TP63: variants seen among roughly 807,000 people sequenced by gnomAD.
TP63 encodes the protein tumor protein 63.
TP63 carries 17 observed loss-of-function variants against 82.8 expected under a neutral mutation model. That is an observed-to-expected ratio of 0.21 (90% CI 0.14 to 0.31). The LOEUF is 0.31. TP63 is among the 10% of genes least tolerant of loss of function. TP63 has a pLI of 1.00. For synonymous variants in TP63, 330 were observed against 321.7 expected (o/e 1.03, Z -0.28); for missense variants, 648 against 895.3 (o/e 0.72, Z 3.52).
chr3:189,840,359 C>CTTTTTTTT, intron 4 of TP63, among the ~76,000 whole-genome samples: 12 of 44,440 alleles, frequency 2.7e-4, no homozygotes, highest in East Asian at 8.3e-4. Context: ...TGCTTTTCGT[C>CTTTTTTTT]TTTTTTTTTT....
intron 3 of TP63, among the ~76,000 whole-genome samples, chr3:189,788,159 A>C (rs1724767427): frequency 6.6e-6 from 1 of 151,448 alleles, no homozygotes; most frequent in Non-Finnish European, 1.5e-5. Context: ...TCTTCCCAAT[A>C]TATGTGTGAA....
At chr3:189,759,805 T>C (rs377710255) in intron 3 of TP63, among the ~76,000 whole-genome samples, 3 of 152,322 alleles carry the variant, frequency 2.0e-5, no homozygotes, top group African/African-American at 7.2e-5. Flanking sequence ...ATTTTCATGC[T>C]GCTGATAAAG....
chr3:189,819,242 C>T (rs1173762253), intron 4 of TP63, among the ~76,000 whole-genome samples: 2 of 152,146 alleles, frequency 1.3e-5, no homozygotes, highest in African/African-American at 4.8e-5. Context: ...TATTCTCCCA[C>T]CCAGGCTGTG....
the TP63 span, among the ~76,000 whole-genome samples, chr3:189,606,660 A>C: frequency 6.6e-6 from 1 of 151,730 alleles, no homozygotes; most frequent in Non-Finnish European, 1.5e-5. Flanking sequence ...CAGCTGGCTA[A>C]TTTTTGTAAT....
chr3:189,848,383 T>C (rs1271455852), intron 4 of TP63, among the ~76,000 whole-genome samples: 1 of 83,002 alleles, frequency 1.2e-5, no homozygotes, highest in Non-Finnish European at 2.7e-5. Context: ...ATACCTGGCT[T>C]TTTTTTTTTT....
At chr3:189,765,432 G>GGTTTTTTTTTTTTTTTTT in intron 3 of TP63, among the ~76,000 whole-genome samples, 1 of 6,188 alleles carries the variant, frequency 1.6e-4, no homozygotes, top group South Asian at 7.6e-3. Flanking sequence ...CCTGTCCTCT[G>GGTTTTTTTTTTTTTTTTT]CTTTTTTTTT....
intron 10 of TP63, among the ~76,000 whole-genome samples, chr3:189,878,478 T>C (rs2108835801): frequency 6.8e-6 from 1 of 147,028 alleles, no homozygotes; most frequent in Non-Finnish European, 1.5e-5. Flanking sequence ...AACATTTGCC[T>C]CCTGGGTTCG....
Position 189,656,568 on chromosome 3 carries a change from T to A in TP63, c.62+24991T>A, listed in dbSNP as rs4505678. The stretch of plus-strand genomic sequence containing the variant: ...CATACCAAGTAAAAGACAGAGATTG[T>A]CAGGATAGAATAATAAAAAACAAAA... On this transcript the variant is annotated intron_variant, in intron 1 of 13. Coordinates refer to ENST00000264731, the MANE Select transcript of TP63 (RefSeq NM_003722.5). Among the ~76,000 whole-genome samples, 66,787 of 151,788 alleles carry A rather than the reference T, an allele frequency of 0.44. 16,064 individuals carry two copies. The highest frequency in any genetic ancestry group is 0.69 in the Middle Eastern group (201 of 292).
rs1040957304 is a variant in TP63 at position 189,814,344 on chromosome 3, C to T, written c.579+5818C>T. On this transcript the variant is annotated intron_variant, in intron 4 of 13. Coordinates refer to ENST00000264731, the MANE Select transcript of TP63 (RefSeq NM_003722.5). The stretch of plus-strand genomic sequence containing the variant: ...TCTTTCACAGTGGAAGCACTTCCCC[C>T]ATTAAAGTCTGAGTCTCATCTGGGG... 3.3e-5 allele frequency among the ~76,000 whole-genome samples: 5 copies of T among 152,314 alleles called. 1 individual carries two copies. The highest frequency in any genetic ancestry group is 6.8e-3 in the Middle Eastern group (2 of 294).
intron 1 of TP63, among the ~76,000 whole-genome samples, chr3:189,708,281 G>A (rs988285340): frequency 1.3e-5 from 2 of 152,178 alleles, no homozygotes; most frequent in Non-Finnish European, 2.9e-5. Context: ...GCAGTCATGA[G>A]AAATACACGG....
At chr3:189,889,507 TG>T in intron 12 of TP63, 23 bp downstream of exon 12, 1 of 1,614,062 alleles carries the variant, frequency 6.2e-7, no homozygotes, top group Non-Finnish European at 8.5e-7. Context: ...CATGTGCCCC[TG>T]GGGGCCTGCC....
chr3:189,682,580 A>C (rs889959303), intron 1 of TP63, among the ~76,000 whole-genome samples: 1 of 104,022 alleles, frequency 9.6e-6, no homozygotes. Flanking sequence ...ATATATATAT[A>C]TATATATATA....
intron 1 of TP63, among the ~76,000 whole-genome samples, chr3:189,703,427 A>AATAGATAGATAGATAGATAGACAG (rs1553816189): frequency 3.7e-4 from 53 of 143,258 alleles, no homozygotes; most frequent in African/African-American, 1.3e-3. Flanking sequence ...CCCTGTCTAA[A>AATAGATAGATAGATAGATAGACAG]ATAGATAGAT....
At chr3:189,802,324 G>GTGGT (rs1002184823) in intron 3 of TP63, among the ~76,000 whole-genome samples, 1 of 152,204 alleles carries the variant, frequency 6.6e-6, no homozygotes, top group Non-Finnish European at 1.5e-5. Context: ...CAGGTGAAAG[G>GTGGT]TGGTTATCAG....
At position 189,737,759 on chromosome 3, in the gene TP63, C is replaced by T; in HGVS notation, c.82C>T (p.His28Tyr). The stretch of plus-strand genomic sequence containing the variant: ...TTTAAGTTTCGTAGAAACCCCAGCT[C>T]ATTTCTCTTGGAAAGAAAGTTATTA... ...YIQRFVETPA[H>Y]FSWKESYYRS... Residue 28 changes from histidine to tyrosine, a missense_variant, in exon 2 of 14, where the codon CAT becomes TAT. This residue lies in a region of TP63 where 182 missense variants were observed against 213.6 expected (regional missense o/e 0.85). Transcript: ENST00000264731. 1 of 1,613,960 alleles carries T rather than the reference C, an allele frequency of 6.2e-7. No homozygotes were observed.
At position 189,875,615 on chromosome 3, in the gene TP63, T is replaced by TATATATAC. The variant is rs1424366953; in HGVS notation, c.1349+2627_1349+2628insCATATATA. ...ATACATATATATATATATATATATA[T>TATATATAC]ATATATATATATATATATATATAAA... On this transcript the variant is annotated intron_variant, in intron 10 of 13. Coordinates refer to ENST00000264731, the MANE Select transcript of TP63 (RefSeq NM_003722.5). Among the ~76,000 whole-genome samples the TATATATAC allele has an allele frequency of 7.2e-5, 8 of 110,410 alleles. 1 individual carries two copies. The highest frequency in any genetic ancestry group is 7.8e-3 in the Middle Eastern group (2 of 258). 72.4% of individuals were successfully genotyped at this position (110,410 alleles called of 152,430 possible).
intron 1 of TP63, among the ~76,000 whole-genome samples, chr3:189,715,735 T>C (rs1718911833): frequency 6.6e-6 from 1 of 152,226 alleles, no homozygotes. Flanking sequence ...TATTGTGGAA[T>C]AGTAAAGATT....
chr3:189,730,785 C>T (rs73055223), intron 1 of TP63, among the ~76,000 whole-genome samples: 3,475 of 152,224 alleles, frequency 0.023, 157 homozygotes, highest in African/African-American at 0.08. Context: ...CTGCTGACAC[C>T]CTGTCAAGGA....
At position 189,890,991 on chromosome 3, in the gene TP63, G is replaced by A. The variant is rs1577206638; in HGVS notation, c.1746+109G>A. The stretch of plus-strand genomic sequence containing the variant: ...TAGTTTAAAAATTTGTTTTTGTCAT[G>A]CCCCCAATTATCCATTTTGATAGAA... On this transcript the variant is annotated intron_variant, in intron 13 of 13. Transcript: ENST00000264731. 4 of 998,084 alleles carry A rather than the reference G, an allele frequency of 4.0e-6. No individual in the cohort carries two copies. In the East Asian group the frequency reaches 7.8e-5, roughly 19 times the overall value. The allele number at this position is 998,084 out of a possible 1,614,324, so 61.8% of individuals were successfully genotyped here.
Sources: gnomAD v4.1 joint callset for allele counts (sites outside exome capture counted in the v4.1 genomes callset) on GRCh38, gnomAD v4.1.1 for gene constraint, gnomAD v4.1.1 regional missense constraint, MANE v1.5 for transcripts, NCBI Gene and HGNC (gene_info 2026-07-23, HGNC 2026-07-21) for gene names.